CDC23: variants seen among roughly 807,000 people sequenced by gnomAD.
CDC23 encodes the protein cell division cycle protein 23 homolog.
Under a neutral mutation model 81.7 loss-of-function variants are expected in CDC23, and 26 were observed. The ratio of observed to expected loss-of-function variants is 0.32; its 90% CI spans 0.23 to 0.44. The LOEUF is 0.44. CDC23 is among the 20% of genes least tolerant of loss of function. The probability of loss-of-function intolerance (pLI) is 1.00; values close to 1 mark genes in which losing one functional copy is unlikely to be tolerated. For synonymous variants in CDC23, 267 were observed against 270.8 expected (o/e 0.99, Z 0.14); for missense variants, 519 against 728.0 (o/e 0.71, Z 3.30).
In CDC23 at chr5:138,195,608, T is replaced by C. The variant is rs1474257311; in HGVS notation, c.1012+2591A>G. Among the ~76,000 whole-genome samples the C allele has an allele frequency of 1.4e-4, 16 of 116,894 alleles. No individual in the cohort carries two copies. In the South Asian group the frequency reaches 3.2e-3, roughly 23 times the overall value. The allele number at this position is 116,894 out of a possible 152,430, so 76.7% of individuals were successfully genotyped here. Reference sequence around the variant, plus strand: ...TATATATAATATATATTATATATGATATATTTATATATAAATATAAATATA... The same window carrying C: ...TATATATAATATATATTATATATGACATATTTATATATAAATATAAATATA... On this transcript the variant is annotated intron_variant, in intron 9 of 15. Coordinates refer to ENST00000394886, the MANE Select transcript of CDC23 (RefSeq NM_004661.4).
At chr5:138,194,729 T>C (rs1338861228) in intron 9 of CDC23, among the ~76,000 whole-genome samples, 1 of 150,218 alleles carries the variant, frequency 6.7e-6, no homozygotes, top group African/African-American at 2.4e-5. Flanking sequence ...TTTTTTTTTT[T>C]TTTTTTTTTG....
At chr5:138,193,315 G>T (rs1754846268) in intron 9 of CDC23, among the ~76,000 whole-genome samples, 1 of 152,174 alleles carries the variant, frequency 6.6e-6, no homozygotes, top group Non-Finnish European at 1.5e-5. Context: ...AGGTACCCAG[G>T]CTGGGCATGG....
chr5:138,195,599 T>C (rs796583528), intron 9 of CDC23, among the ~76,000 whole-genome samples: 2 of 77,418 alleles, frequency 2.6e-5, no homozygotes, highest in African/African-American at 7.5e-5. Context: ...TAATATATAT[T>C]ATATATGATA....
chr5:138,194,247 C>T (rs756088606), intron 9 of CDC23, among the ~76,000 whole-genome samples: 1 of 152,018 alleles, frequency 6.6e-6, no homozygotes, highest in Admixed American at 6.6e-5. Context: ...GTCAGGAGTT[C>T]GAGACCAGCA....
chr5:138,198,154 A>T (rs1754938868), intron 9 of CDC23, 45 bp downstream of exon 9: 1 of 1,378,148 alleles, frequency 7.3e-7, no homozygotes, highest in African/African-American at 1.5e-5. Context: ...TGTGTTACTT[A>T]TAATAAATAT....
At position 138,206,595 on chromosome 5, in the gene CDC23, G is replaced by A; in HGVS notation, c.324C>T (p.Gly108=). 1 of 1,614,076 alleles carries A rather than the reference G, an allele frequency of 6.2e-7. No individual in the cohort carries two copies. Among genetic ancestry groups the A allele is most frequent in the South Asian group, 1.1e-5 (1 of 91,088 alleles). The stretch of plus-strand genomic sequence containing the variant: ...GAAAATAGGCTTTCTTGCTATTGCA[G>A]CCATGCAGGAAATGTGCTGCCCGAT... ...EYDRAAHFLH[G]CNSKKAYFLY... is the part of the protein sequence containing the mutation. Residue 108 remains glycine, a synonymous_variant, in exon 3 of 16, where the codon GGC becomes GGT. Transcript: ENST00000394886.
At chr5:138,206,458 C>A (rs753465611) in intron 3 of CDC23, 89 bp downstream of exon 3, 2 of 1,362,610 alleles carry the variant, frequency 1.5e-6, no homozygotes, top group East Asian at 2.3e-5. Flanking sequence ...TGGCCCACTG[C>A]TAAGCTATTT....
At chr5:138,206,255 T>C (rs1755046546) in intron 3 of CDC23, 2 of 467,394 alleles carry the variant, frequency 4.3e-6, no homozygotes, top group Non-Finnish European at 7.5e-6. Flanking sequence ...CCAGGCTTTT[T>C]AACTTAATTC....
intron 15 of CDC23, among the ~76,000 whole-genome samples, 161 bp from the exon 16 acceptor site, chr5:138,189,309 T>G (rs572204259): frequency 6.6e-6 from 1 of 151,706 alleles, no homozygotes; most frequent in Non-Finnish European, 1.5e-5. Context: ...CAGGCTACAG[T>G]GCAGTGGTGT....
At chr5:138,206,204 C>G in intron 3 of CDC23, 1 of 387,570 alleles carries the variant, frequency 2.6e-6, no homozygotes, top group Non-Finnish European at 4.5e-6. Flanking sequence ...AATAAATATA[C>G]TATAAACATG....
At chr5:138,204,648 C>A (rs1755027335) in intron 3 of CDC23, among the ~76,000 whole-genome samples, 1 of 136,994 alleles carries the variant, frequency 7.3e-6, no homozygotes, top group African/African-American at 2.7e-5. Flanking sequence ...GAGACGGAGT[C>A]TCACTCTGCC....
At chr5:138,192,476 C>T (rs767645098) in intron 10 of CDC23, 28 bp downstream of exon 10, 157 of 1,613,240 alleles carry the variant, frequency 9.7e-5, no homozygotes, top group Non-Finnish European at 1.3e-4. Flanking sequence ...CAGCAATCTG[C>T]TCTACCTCAC....
intron 13 of CDC23, 55 bp from the exon 14 acceptor site, chr5:138,189,961 T>TA (rs17234933): frequency 3.1e-4 from 460 of 1,504,996 alleles, no homozygotes; most frequent in Middle Eastern, 1.2e-3. Flanking sequence ...AACTTAGTGA[T>TA]AAAAAAAGTA....
Position 138,192,264 on chromosome 5 carries a change from C to A in CDC23, c.1286+5G>T. The A allele has an allele frequency of 6.2e-7, 1 of 1,614,154 alleles. No homozygotes were observed. The highest frequency in any genetic ancestry group is 8.5e-7 in the Non-Finnish European group (1 of 1,180,024). On this transcript the variant is annotated splice_donor_5th_base_variant and intron_variant, in intron 11 of 15. Coordinates refer to ENST00000394886, the MANE Select transcript of CDC23 (RefSeq NM_004661.4). ...TCAGACGCATTGTCAAGTGACCAGGCTTACCGAAGCTGGTGGGCCCGTCTA... is the reference window on the plus strand; with the variant it reads ...TCAGACGCATTGTCAAGTGACCAGGATTACCGAAGCTGGTGGGCCCGTCTA...
At chr5:138,208,366 T>C (rs953462280) in intron 2 of CDC23, among the ~76,000 whole-genome samples, 1 of 152,236 alleles carries the variant, frequency 6.6e-6, no homozygotes, top group African/African-American at 2.4e-5. Context: ...TATTCAGTGC[T>C]TTCTTCATTA....
chr5:138,195,668 T>TTATATATGCATATATACATATAA (rs1158755000), intron 9 of CDC23, among the ~76,000 whole-genome samples: 4 of 106,046 alleles, frequency 3.8e-5, no homozygotes, highest in Admixed American at 1.3e-4. Flanking sequence ...TACATATATT[T>TTATATATGCATATATACATATAA]TATATATGCA....
chr5:138,194,223 G>C (rs752831933), intron 9 of CDC23, among the ~76,000 whole-genome samples: 1 of 152,172 alleles, frequency 6.6e-6, no homozygotes, highest in East Asian at 1.9e-4. Flanking sequence ...GCTGAGGTGG[G>C]AGGATCACTT....
Position 138,192,319 on chromosome 5 carries a change from A to G in CDC23, c.1236T>C (p.Leu412=), listed in dbSNP as rs1021725456. The G allele has an allele frequency of 1.3e-5, 21 of 1,614,122 alleles. No individual in the cohort carries two copies. Among genetic ancestry groups the G allele is most frequent in the South Asian group, 9.9e-5 (9 of 91,090 alleles). ...WYGLGQTYEI[L]KMPFYCLYYY... ...AATAAAGGCAGTAAAATGGCATCTT[A>G]AGGATTTCATAGGTCTGCCCGAGGC... is the stretch of plus-strand genomic sequence containing the variant. The change falls in exon 11 of 16, where the codon CTT becomes CTC. Residue 412 remains leucine, a synonymous_variant. Transcript: ENST00000394886.
At chr5:138,195,770 A>ATG (rs1483145209) in intron 9 of CDC23, among the ~76,000 whole-genome samples, 1 of 118,638 alleles carries the variant, frequency 8.4e-6, no homozygotes, top group South Asian at 2.3e-4. Flanking sequence ...TATATTATAT[A>ATG]TGTGTATATA....
Sources: gnomAD v4.1 joint callset for allele counts (sites outside exome capture counted in the v4.1 genomes callset) on GRCh38, gnomAD v4.1.1 for gene constraint, MANE v1.5 for transcripts, NCBI Gene and HGNC (gene_info 2026-07-23, HGNC 2026-07-21) for gene names.